Variants in LPCAT1 observed in about 807,000 individuals in gnomAD.
LPCAT1 encodes the protein 1-acylglycerol-3-phosphate O-acyltransferase.
LPCAT1 carries 23 observed loss-of-function variants against 60.9 expected under a neutral mutation model. That is an observed-to-expected ratio of 0.38 (90% CI 0.27 to 0.53). The LOEUF (loss-of-function observed/expected upper bound fraction) is 0.53. LPCAT1 is among the 20% of genes least tolerant of loss of function. The pLI, the probability that LPCAT1 is intolerant of heterozygous loss-of-function variation, is 0.82. For missense variants in LPCAT1, 622 were observed against 723.6 expected, an observed-to-expected ratio of 0.86 and a Z score of 1.61; for synonymous variants, 340 against 301.1, an observed-to-expected ratio of 1.13 and a Z score of -1.34.
chr5:1,465,082 CACAT>C (rs1734300826), intron 13 of LPCAT1, among the ~76,000 whole-genome samples: 1 of 148,464 alleles, frequency 6.7e-6, no homozygotes, highest in Admixed American at 6.7e-5. Context: ...CACGGTAACA[CACAT>C]GCGCATGCAC....
In LPCAT1 at chr5:1,487,479, C is replaced by G. The variant is rs532444385; in HGVS notation, c.667+912G>C. Reference sequence around the variant, plus strand: ...CCAAGGAGGGTGGAGGGTGAAAGCACGCGCATCTGAGCTGGAGGAGGATGG... The same window carrying G: ...CCAAGGAGGGTGGAGGGTGAAAGCAGGCGCATCTGAGCTGGAGGAGGATGG... On this transcript the variant is annotated intron_variant, in intron 5 of 13. Coordinates refer to ENST00000283415, the MANE Select transcript of LPCAT1 (RefSeq NM_024830.5). The surrounding 1 kb of genome is among the most constrained non-coding windows in gnomAD (Gnocchi z 6.1). 6.6e-5 allele frequency among the ~76,000 whole-genome samples: 10 copies of G among 152,304 alleles called. No homozygotes were observed. The highest frequency in any genetic ancestry group is 1.3e-4 in the Non-Finnish European group (9 of 68,032).
chr5:1,518,425 C>T (rs1736572145), intron 1 of LPCAT1, among the ~76,000 whole-genome samples: 1 of 152,222 alleles, frequency 6.6e-6, no homozygotes, highest in Admixed American at 6.5e-5. Flanking sequence ...ACTGCAAGCT[C>T]CGCCTCCTGG....
chr5:1,490,130 G>T (rs1735519780), intron 3 of LPCAT1, among the ~76,000 whole-genome samples: 1 of 152,238 alleles, frequency 6.6e-6, no homozygotes, highest in South Asian at 2.1e-4. Context: ...ACGGAGCACA[G>T]AACGGAGGTC....
At position 1,502,981 on chromosome 5, in the gene LPCAT1, C is replaced by T. The variant is rs1056822254; in HGVS notation, c.136-1378G>A. On this transcript the variant is annotated intron_variant, in intron 1 of 13. Coordinates refer to ENST00000283415, the MANE Select transcript of LPCAT1 (RefSeq NM_024830.5). This position sits in a 1 kb window ranked among gnomAD's most constrained non-coding sequence, Gnocchi z 5.5. ...AAATACCATTTCGACACGTACTCAA[C>T]GTAGAAGTTGCTACTGGCTAGTTTG... Among the ~76,000 whole-genome samples, 2 of 152,192 alleles carry T rather than the reference C, an allele frequency of 1.3e-5. No homozygotes were observed. Among genetic ancestry groups the T allele is most frequent in the Non-Finnish European group, 2.9e-5 (2 of 68,038 alleles).
chr5:1,505,744 G>A (rs562686107), intron 1 of LPCAT1, among the ~76,000 whole-genome samples: 65 of 152,174 alleles, frequency 4.3e-4, no homozygotes, highest in Non-Finnish European at 7.6e-4. Flanking sequence ...CTACTCCTTC[G>A]TGCATGGGTT....
chr5:1,493,851 G>A (rs1368305210), intron 3 of LPCAT1, among the ~76,000 whole-genome samples: 2 of 152,232 alleles, frequency 1.3e-5, no homozygotes, highest in African/African-American at 2.4e-5. Flanking sequence ...TTTTTACAGA[G>A]GTAACTCGTT....
At chr5:1,504,543 C>T (rs1225309727) in intron 1 of LPCAT1, among the ~76,000 whole-genome samples, 4 of 152,168 alleles carry the variant, frequency 2.6e-5, no homozygotes, top group Admixed American at 2.6e-4. Flanking sequence ...ATGGAGAACC[C>T]ATCTCTACTA....
chr5:1,517,071 C>G lies in LPCAT1; in HGVS notation c.135+6639G>C, dbSNP rs552785373. The stretch of plus-strand genomic sequence containing the variant: ...AAATAATGTTATTTCCAAACACAAG[C>G]CTAGCATCATGCTTTTTTCCTGGGC... On this transcript the variant is annotated intron_variant, in intron 1 of 13. Transcript: ENST00000283415. Among the ~76,000 whole-genome samples, 34 of 152,318 alleles carry G rather than the reference C, an allele frequency of 2.2e-4. No homozygotes were observed. In the South Asian group the frequency reaches 6.8e-3, roughly 31 times the overall value.
At chr5:1,470,287 C>T (rs1480248762) in intron 12 of LPCAT1, among the ~76,000 whole-genome samples, 3 of 152,268 alleles carry the variant, frequency 2.0e-5, no homozygotes, top group Admixed American at 2.0e-4. Context: ...CCCTCCAGGC[C>T]TGACCCAGAC....
rs1164585603 is a variant in LPCAT1, at chr5:1,483,138, G to A, written c.726+290C>T. ...CACAGAGGAAAGGGCAGCTTTGTCA[G>A]GAGCTATGGAAGCAGGGCTCTGGAA... On this transcript the variant is annotated intron_variant, in intron 6 of 13. Transcript: ENST00000283415. The surrounding 1 kb of genome is among the most constrained non-coding windows in gnomAD (Gnocchi z 9.2). Among the ~76,000 whole-genome samples, 2 of 152,166 alleles carry A rather than the reference G, an allele frequency of 1.3e-5. No individual in the cohort carries two copies. The highest frequency in any genetic ancestry group is 4.8e-5 in the African/African-American group (2 of 41,438).
rs928710626 is a variant in LPCAT1, at chr5:1,522,451, G to A, written c.135+1259C>T. Among the ~76,000 whole-genome samples, 1 of 152,158 alleles carries A rather than the reference G, an allele frequency of 6.6e-6. No individual in the cohort carries two copies. The highest frequency in any genetic ancestry group is 2.4e-5 in the African/African-American group (1 of 41,436). On this transcript the variant is annotated intron_variant, in intron 1 of 13. Coordinates refer to ENST00000283415, the MANE Select transcript of LPCAT1 (RefSeq NM_024830.5). This position sits in a 1 kb window ranked among gnomAD's most constrained non-coding sequence, Gnocchi z 6.8. ...CCAGAGTCCAGCTCCCGACACACAG[G>A]GAGACGGGGGCCAGGGCCTGGGAGC...
chr5:1,508,909 G>C (rs1303342147), intron 1 of LPCAT1, among the ~76,000 whole-genome samples: 1 of 152,244 alleles, frequency 6.6e-6, no homozygotes, highest in Non-Finnish European at 1.5e-5. Flanking sequence ...GCATCACCCG[G>C]CGTTTCACAA....
intron 1 of LPCAT1, among the ~76,000 whole-genome samples, chr5:1,515,447 C>T (rs1736479314): frequency 6.6e-6 from 1 of 150,610 alleles, no homozygotes; most frequent in Admixed American, 6.6e-5. Flanking sequence ...TACAAGGTCC[C>T]CCACCTCCCC....
intron 11 of LPCAT1, among the ~76,000 whole-genome samples, chr5:1,471,565 G>C (rs1056739036): frequency 1.3e-5 from 2 of 152,182 alleles, no homozygotes; most frequent in East Asian, 1.9e-4. Flanking sequence ...AGGTCAGGGC[G>C]GGAGGAGGTG....
intron 1 of LPCAT1, among the ~76,000 whole-genome samples, chr5:1,516,649 T>G (rs1397561502): frequency 6.6e-6 from 1 of 151,894 alleles, no homozygotes; most frequent in Non-Finnish European, 1.5e-5. Flanking sequence ...TTTTTTAAGC[T>G]TGTATGTGGC....
chr5:1,465,504 AAC>A (rs1734344158), intron 13 of LPCAT1, among the ~76,000 whole-genome samples: 5 of 138,016 alleles, frequency 3.6e-5, no homozygotes, highest in South Asian at 4.6e-4. Flanking sequence ...GCACACAGTA[AAC>A]ACGTGTGCAC....
rs1443696928 is a variant in LPCAT1 at position 1,523,060 on chromosome 5, C to A, written c.135+650G>T. ...AGCCCCGAGAAAGCATCCCTTACAA[C>A]AGGAGCGAAGCATGCACCCCAGAAG... On this transcript the variant is annotated intron_variant, in intron 1 of 13. Coordinates refer to ENST00000283415, the MANE Select transcript of LPCAT1 (RefSeq NM_024830.5). The surrounding 1 kb of genome is among the most constrained non-coding windows in gnomAD (Gnocchi z 7.1). 6.6e-6 allele frequency among the ~76,000 whole-genome samples: 1 copy of A among 152,248 alleles called. No individual in the cohort carries two copies. The highest frequency in any genetic ancestry group is 1.5e-5 in the Non-Finnish European group (1 of 68,040).
At chr5:1,493,531 C>T (rs1050504440) in intron 3 of LPCAT1, among the ~76,000 whole-genome samples, 3 of 152,410 alleles carry the variant, frequency 2.0e-5, no homozygotes, top group Admixed American at 6.5e-5. Flanking sequence ...CCATAGGCGA[C>T]GCCCCTCGTC....
chr5:1,516,966 G>C (rs1047687849), intron 1 of LPCAT1, among the ~76,000 whole-genome samples: 55 of 152,326 alleles, frequency 3.6e-4, no homozygotes, highest in African/African-American at 1.1e-3. Context: ...GGGATGCATT[G>C]GTTTTAATAC....
Sources: allele counts gnomAD v4.1 joint callset (sites outside exome capture counted in the v4.1 genomes callset), GRCh38; gene constraint gnomAD v4.1.1; non-coding constraint Gnocchi (gnomAD v3.1); transcripts MANE v1.5; gene names NCBI Gene and HGNC (gene_info 2026-07-23, HGNC 2026-07-21).